Variants in STXBP4 observed in about 807,000 individuals in gnomAD.
STXBP4 encodes syntaxin-binding protein 4.
In STXBP4, 55 loss-of-function variants were observed where a neutral mutation model predicts 76.1. The ratio of observed to expected loss-of-function variants is 0.72; its 90% confidence interval spans 0.58 to 0.91. The LOEUF is 0.91. Ranked by LOEUF, STXBP4 falls within the 40% of genes least tolerant of loss-of-function variation. STXBP4 has a pLI of 0.00. For missense variants in STXBP4, 618 were observed against 636.9 expected (o/e 0.97, Z 0.32); for synonymous variants, 201 against 220.2 (o/e 0.91, Z 0.77).
chr17:55,037,772 T>C (rs1047193018), intron 10 of STXBP4, among the ~76,000 whole-genome samples: 4 of 152,202 alleles, frequency 2.6e-5, no homozygotes, highest in African/African-American at 9.6e-5. Context: ...TCTATGTACA[T>C]TGCATTCTTA....
intron 10 of STXBP4, among the ~76,000 whole-genome samples, chr17:55,035,892 AAAT>A (rs1274608881): frequency 3.3e-5 from 5 of 151,946 alleles, no homozygotes; most frequent in Admixed American, 6.6e-5. Context: ...TTTAATTGAC[AAAT>A]AATAATTTTA....
chr17:55,008,109 G>A lies in STXBP4; in HGVS notation c.666+512G>A, dbSNP rs1346212229. 3.9e-5 allele frequency among the ~76,000 whole-genome samples: 6 copies of A among 151,960 alleles called. No individual in the cohort carries two copies. The East Asian group carries it at 9.6e-4, about 24-fold the overall frequency. ...GAAAGTGGAACATTGAGACTCTCAT[G>A]TAAAAGAAACTTAAGATGATTAAAA... is the stretch of plus-strand genomic sequence containing the variant. On this transcript the variant is annotated intron_variant, in intron 8 of 17. Coordinates refer to ENST00000376352, the MANE Select transcript of STXBP4 (RefSeq NM_178509.6).
At chr17:55,042,540 G>A (rs1017807601) in intron 10 of STXBP4, among the ~76,000 whole-genome samples, 4 of 151,530 alleles carry the variant, frequency 2.6e-5, no homozygotes, top group Non-Finnish European at 5.9e-5. Flanking sequence ...AGTTGTTATA[G>A]CTTCCACATA....
intron 16 of STXBP4, among the ~76,000 whole-genome samples, chr17:55,115,997 G>A (rs2079776159): frequency 6.6e-6 from 1 of 151,790 alleles, no homozygotes; most frequent in Non-Finnish European, 1.5e-5. Context: ...TTGTAGTTTG[G>A]TTTAAGACTT....
intron 6 of STXBP4, 33 bp downstream of exon 6, chr17:54,999,875 T>A: frequency 7.1e-7 from 1 of 1,403,024 alleles, no homozygotes; most frequent in Admixed American, 1.8e-5. Flanking sequence ...TCTCTATATA[T>A]GCACTCCATA....
chr17:55,135,085 G>T (rs1289015113), intron 16 of STXBP4, among the ~76,000 whole-genome samples: 6 of 152,096 alleles, frequency 3.9e-5, no homozygotes, highest in Admixed American at 3.9e-4. Flanking sequence ...GATAAATGCA[G>T]AAAATGAATG....
At chr17:55,132,192 T>A (rs181981542) in intron 16 of STXBP4, among the ~76,000 whole-genome samples, 17 of 152,316 alleles carry the variant, frequency 1.1e-4, no homozygotes, top group Admixed American at 2.6e-4. Flanking sequence ...AATTATCTTA[T>A]TGTTATTATT....
intron 10 of STXBP4, among the ~76,000 whole-genome samples, chr17:55,038,173 A>C (rs908593165): frequency 6.6e-6 from 1 of 152,004 alleles, no homozygotes; most frequent in Non-Finnish European, 1.5e-5. Flanking sequence ...TTATTTTTTT[A>C]AATATTATTA....
At position 55,123,727 on chromosome 17, in the gene STXBP4, C is replaced by T. The variant is rs184921837; in HGVS notation, c.1490-17583C>T. ...CATCCTGGCTAAGACAGTGAAACCC[C>T]GTCTCTACTAAAAATACAAAAAATT... On this transcript the variant is annotated intron_variant, in intron 16 of 17. Transcript: ENST00000376352. Among the ~76,000 whole-genome samples the T allele has an allele frequency of 1.6e-4, 24 of 151,972 alleles. No homozygotes were observed. In the East Asian group the frequency reaches 4.1e-3, roughly 26 times the overall value.
intron 16 of STXBP4, among the ~76,000 whole-genome samples, chr17:55,128,925 CTTT>C (rs35073950): frequency 3.1e-3 from 267 of 86,294 alleles, no homozygotes; most frequent in African/African-American, 0.012. Flanking sequence ...TGTAAGGATT[CTTT>C]TTTTTTTTTT....
chr17:54,973,577 C>T (rs1424768775), intron 1 of STXBP4, among the ~76,000 whole-genome samples: 1 of 152,166 alleles, frequency 6.6e-6, no homozygotes, highest in Non-Finnish European at 1.5e-5. Context: ...AATAACAATA[C>T]AACATTGGGA....
chr17:55,001,747 C>T (rs932246518), intron 7 of STXBP4, among the ~76,000 whole-genome samples: 4 of 152,188 alleles, frequency 2.6e-5, no homozygotes, highest in Admixed American at 6.5e-5. Context: ...ATTCTCCTGC[C>T]TCAGCCTCCC....
the STXBP4 span, among the ~76,000 whole-genome samples, chr17:55,195,924 A>G: frequency 5.9e-5 from 9 of 152,116 alleles, no homozygotes; most frequent in African/African-American, 9.7e-5. Flanking sequence ...TGAACATTCT[A>G]TAGCTCACAG....
intron 16 of STXBP4, among the ~76,000 whole-genome samples, chr17:55,116,456 A>T (rs1449448831): frequency 1.3e-5 from 2 of 151,750 alleles, no homozygotes; most frequent in African/African-American, 4.8e-5. Context: ...TTGTAACTCT[A>T]CTACTGCCCA....
At chr17:54,969,586 G>A (rs1253135725) in intron 1 of STXBP4, among the ~76,000 whole-genome samples, 2 of 152,144 alleles carry the variant, frequency 1.3e-5, no homozygotes, top group Non-Finnish European at 2.9e-5. Context: ...TTCATATAAC[G>A]TCTTTCATGA....
At chr17:55,083,878 A>G (rs1254896681) in intron 16 of STXBP4, among the ~76,000 whole-genome samples, 1 of 152,154 alleles carries the variant, frequency 6.6e-6, no homozygotes, top group East Asian at 1.9e-4. Context: ...TCTATTCATC[A>G]ATGCAAATTT....
intron 10 of STXBP4, among the ~76,000 whole-genome samples, chr17:55,040,963 A>G (rs909380463): frequency 1.3e-5 from 2 of 152,184 alleles, no homozygotes; most frequent in Middle Eastern, 3.2e-3. Context: ...GGGCTTTTCA[A>G]AGAATTCACA....
At chr17:54,994,354 G>C (rs574022933) in intron 4 of STXBP4, among the ~76,000 whole-genome samples, 1 of 152,262 alleles carries the variant, frequency 6.6e-6, no homozygotes, top group South Asian at 2.1e-4. Context: ...TTCTGAAGCA[G>C]AACTCATGAC....
Position 55,050,412 on chromosome 17 carries a change from T to C in STXBP4, c.1011+3258T>C, listed in dbSNP as rs1403861858. ...CATAATAAAAGAAATGCCAGTTAAA[T>C]CTATACTACCATAGAACTTCTAGCT... On this transcript the variant is annotated intron_variant, in intron 12 of 17. Coordinates refer to ENST00000376352, the MANE Select transcript of STXBP4 (RefSeq NM_178509.6). Among the ~76,000 whole-genome samples the C allele has an allele frequency of 3.3e-4, 50 of 152,108 alleles. 1 individual carries two copies. The highest frequency in any genetic ancestry group is 3.3e-3 in the Admixed American group (50 of 15,256).
Sources: allele counts gnomAD v4.1 joint callset (sites outside exome capture counted in the v4.1 genomes callset), GRCh38; gene constraint gnomAD v4.1.1; transcripts MANE v1.5; gene names NCBI Gene and HGNC (gene_info 2026-07-23, HGNC 2026-07-21).